The following DMD variants were observed in gnomAD, a reference collection of about 807,000 sequenced individuals.
DMD encodes the protein mutant dystrophin.
DMD carries 63 observed loss-of-function variants against 330.1 expected under a neutral mutation model. The ratio of observed to expected loss-of-function variants is 0.19; its 90% CI spans 0.16 to 0.24. The LOEUF is 0.24. DMD is among the 10% of genes least tolerant of loss of function. DMD has a pLI of 1.00. For synonymous variants in DMD, 1,223 were observed against 959.8 expected, an observed-to-expected ratio of 1.27 and a Z score of -5.07; for missense variants, 3,344 against 2,684.1, an observed-to-expected ratio of 1.25 and a Z score of -5.43.
chrX:32,398,638 C>T (rs765509900), intron 30 of DMD, among the ~76,000 whole-genome samples: 13 of 110,816 alleles, frequency 1.2e-4, no homozygotes, highest in Non-Finnish European at 2.3e-4. Context: ...ACCTGAGAAA[C>T]GATGTTACGC....
chrX:31,951,187 A>G (rs1044701287), intron 45 of DMD, among the ~76,000 whole-genome samples: 1 of 94,858 alleles, frequency 1.1e-5, no homozygotes, highest in African/African-American at 3.9e-5. Context: ...ATATATATAT[A>G]TCTTAATAGA....
In DMD at chrX:32,179,598, G is replaced by A. The variant is rs188853350; in HGVS notation, c.6438+37318C>T. Among the ~76,000 whole-genome samples the A allele has an allele frequency of 3.6e-3, 398 of 111,967 alleles. 1 individual carries two copies. The highest frequency in any genetic ancestry group is 6.0e-3 in the Non-Finnish European group (317 of 53,109). On this transcript the variant is annotated intron_variant, in intron 44 of 78. Transcript: ENST00000357033. ...AAATGGTAAAAAGGACGCCCCCTCA[G>A]GGGAGCATACCTTGATAATATTGAT...
At chrX:32,025,807 C>T (rs779079806) in intron 44 of DMD, among the ~76,000 whole-genome samples, 1 of 111,787 alleles carries the variant, frequency 8.9e-6, no homozygotes, top group African/African-American at 3.2e-5. Flanking sequence ...GTCAAGAAGT[C>T]TCCCTAAGAC....
At chrX:31,238,014 C>A (rs1307447730) in intron 63 of DMD, among the ~76,000 whole-genome samples, 1 of 112,028 alleles carries the variant, frequency 8.9e-6, no homozygotes, top group African/African-American at 3.2e-5. Flanking sequence ...ACTATTGTGC[C>A]CAGCCTTGAA....
At position 32,573,532 on chromosome X, in the gene DMD, C is replaced by A; in HGVS notation, c.1810G>T (p.Ala604Ser). 1 of 1,206,749 alleles carries A rather than the reference C, an allele frequency of 8.3e-7. No individual in the cohort carries two copies. The highest frequency in any genetic ancestry group is 1.1e-6 in the Non-Finnish European group (1 of 891,330). Residue 604 changes from alanine to serine, a missense_variant and splice_region_variant, in exon 15 of 79, where the codon GCC (alanine) becomes TCC (serine). Ala to Ser is a moderately conservative substitution (Grantham distance 99). Transcript: ENST00000357033. ...NEMLSSLQKLAVLKADLEKKK... is the reference protein window; with the variant it reads ...NEMLSSLQKLSVLKADLEKKK... ...ATTGAAAGCTAGAAAGTACATACGG[C>A]CAGTTTTTGAAGACTTGATAACATT...
intron 1 of DMD, among the ~76,000 whole-genome samples, chrX:33,083,166 C>A (rs994652247): frequency 8.9e-6 from 1 of 111,805 alleles, no homozygotes; most frequent in East Asian, 2.8e-4. Context: ...TGGCGTCTTA[C>A]GACCCTGCTT....
At chrX:33,198,783 G>C (rs2051104813) in intron 1 of DMD, among the ~76,000 whole-genome samples, 1 of 110,744 alleles carries the variant, frequency 9.0e-6, no homozygotes, top group African/African-American at 3.3e-5. Context: ...TCATAACAGT[G>C]CTATGTGTTA....
intron 1 of DMD, among the ~76,000 whole-genome samples, chrX:33,043,145 C>A (rs768864345): frequency 8.9e-6 from 1 of 111,876 alleles, no homozygotes; most frequent in African/African-American, 3.3e-5. Flanking sequence ...CTATTAGAAT[C>A]ATTAAAGTAC....
chrX:33,241,571 C>T (rs1221700781), intron 1 of DMD, among the ~76,000 whole-genome samples: 2 of 111,909 alleles, frequency 1.8e-5, no homozygotes, highest in Admixed American at 9.5e-5. Flanking sequence ...AAAAATGTCA[C>T]TGGTGTTTTG....
chrX:32,719,686 C>G (rs1010545529), intron 7 of DMD, among the ~76,000 whole-genome samples: 2 of 110,775 alleles, frequency 1.8e-5, no homozygotes, highest in Non-Finnish European at 3.8e-5. Context: ...CTTTTGTGTT[C>G]TTATTTAAGT....
intron 1 of DMD, among the ~76,000 whole-genome samples, chrX:33,076,934 G>T (rs777789840): frequency 1.8e-5 from 2 of 111,141 alleles, no homozygotes; most frequent in Admixed American, 9.6e-5. Flanking sequence ...CTTGGTGGGT[G>T]GGGGGAAGCC....
At chrX:31,330,840 T>C (rs1418786691) in intron 61 of DMD, among the ~76,000 whole-genome samples, 2 of 112,044 alleles carry the variant, frequency 1.8e-5, no homozygotes, top group Admixed American at 1.9e-4. Context: ...ATGTGACGCA[T>C]ATAGTTCCTG....
chrX:32,953,711 T>C (rs2091401204), intron 2 of DMD, among the ~76,000 whole-genome samples: 1 of 112,269 alleles, frequency 8.9e-6, no homozygotes, highest in Non-Finnish European at 1.9e-5. Context: ...CTTGATAGAA[T>C]AGCCCAAATC....
chrX:31,301,755 G>T (rs1370821711), intron 62 of DMD, among the ~76,000 whole-genome samples: 2 of 109,238 alleles, frequency 1.8e-5, no homozygotes, highest in African/African-American at 3.3e-5. Context: ...TTTTTTGTTT[G>T]TTTTTTTTTG....
intron 55 of DMD, among the ~76,000 whole-genome samples, chrX:31,516,644 T>C (rs1442631950): frequency 9.0e-6 from 1 of 111,669 alleles, no homozygotes; most frequent in Non-Finnish European, 1.9e-5. Context: ...CAGCTATGGA[T>C]TTAGGAGTCC....
chrX:31,962,715 G>T (rs2095317520), intron 45 of DMD, among the ~76,000 whole-genome samples: 1 of 111,922 alleles, frequency 8.9e-6, no homozygotes, highest in Non-Finnish European at 1.9e-5. Context: ...CAGTGGCTAT[G>T]CAAAAATACT....
intron 9 of DMD, among the ~76,000 whole-genome samples, chrX:32,646,782 G>C (rs2059810962): frequency 8.9e-6 from 1 of 111,736 alleles, no homozygotes; most frequent in African/African-American, 3.3e-5. Context: ...GGCAGTTATT[G>C]CAATGACATT....
intron 1 of DMD, among the ~76,000 whole-genome samples, chrX:33,250,085 T>TATATATATATATATA (rs2052744877): frequency 1.3e-5 from 1 of 75,436 alleles, no homozygotes; most frequent in African/African-American, 7.2e-5. Flanking sequence ...AAACTATTCA[T>TATATATATATATATA]TATATATATA....
At chrX:32,307,922 T>C (rs971719591) in intron 42 of DMD, among the ~76,000 whole-genome samples, 15 of 111,325 alleles carry the variant, frequency 1.3e-4, no homozygotes, top group Non-Finnish European at 2.1e-4. Context: ...GTTATGAGTA[T>C]TATTAACTTT....
Sources: allele counts gnomAD v4.1 joint callset (sites outside exome capture counted in the v4.1 genomes callset), GRCh38; gene constraint gnomAD v4.1.1; transcripts MANE v1.5; gene names NCBI Gene and HGNC (gene_info 2026-07-23, HGNC 2026-07-21).